The following PCDHGB3 variants were observed in gnomAD, a reference collection of about 807,000 sequenced individuals.
PCDHGB3 encodes the protein protocadherin gamma subfamily B, 3, also known as protocadherin gamma-B3.
Under a neutral mutation model 59.2 loss-of-function variants are expected in PCDHGB3, and 40 were observed. The ratio of observed to expected loss-of-function variants is 0.68; its 90% CI spans 0.52 to 0.88. The LOEUF (loss-of-function observed/expected upper bound fraction) is 0.88, where lower values mean the gene tolerates loss of function less well. PCDHGB3 is among the 40% of genes least tolerant of loss of function. The pLI is 0.00. For synonymous variants in PCDHGB3, 581 were observed against 503.6 expected (o/e 1.15, Z -2.06); for missense variants, 1,309 against 1,187.9 (o/e 1.10, Z -1.50).
At position 141,491,099 on chromosome 5, in the gene PCDHGB3, T is replaced by C. The variant is rs1352561414; in HGVS notation, c.2416-3708T>C. 1 of 1,614,176 alleles carries C rather than the reference T, an allele frequency of 6.2e-7. No homozygotes were observed. ...CAGTCCACAGCCCCAGGACTGTTCC[T>C]CGTGTCTACACACACTGGTGAGGTG... On this transcript the variant is annotated intron_variant, in intron 1 of 3. Coordinates refer to ENST00000576222, the MANE Select transcript of PCDHGB3 (RefSeq NM_018924.5). The surrounding 1 kb of genome is among the most constrained non-coding windows in gnomAD (Gnocchi z 6.9).
chr5:141,512,942 C>T lies in PCDHGB3; in HGVS notation c.*1769C>T, dbSNP rs1596321854. 3.3e-5 allele frequency: 5 copies of T among 151,644 alleles called. No individual in the cohort carries two copies. The South Asian group carries it at 1.0e-3, about 32-fold the overall frequency. The allele number at this position is 151,644 out of a possible 1,614,324, so 9.4% of individuals were successfully genotyped here. On this transcript the variant is annotated 3_prime_UTR_variant, in exon 4 of 4. Transcript: ENST00000576222. Reference sequence around the variant, plus strand: ...TAATATTTATATGGCTTTTTTTCTTCGACAAAAAAATAATAAAACGTTTCT... The same window carrying T: ...TAATATTTATATGGCTTTTTTTCTTTGACAAAAAAATAATAAAACGTTTCT...
chr5:141,491,390 T>G lies in PCDHGB3; in HGVS notation c.2416-3417T>G. 1 of 1,614,130 alleles carries G rather than the reference T, an allele frequency of 6.2e-7. No individual in the cohort carries two copies. Among genetic ancestry groups the G allele is most frequent in the Admixed American group, 1.7e-5 (1 of 60,028 alleles). ...TTCACCTTTCTGTCAGCGAAGTGCC[T>G]TCAGGGAAACGCAGACGGGGACGGG... On this transcript the variant is annotated intron_variant, in intron 1 of 3. Transcript: ENST00000576222. The surrounding 1 kb of genome is among the most constrained non-coding windows in gnomAD (Gnocchi z 6.9).
chr5:141,447,979 G>A (rs888759756), intron 1 of PCDHGB3, among the ~76,000 whole-genome samples: 15 of 151,814 alleles, frequency 9.9e-5, no homozygotes, highest in Admixed American at 5.9e-4. Context: ...CCAGCTACTC[G>A]GGAGGCTGAG....
rs1006751011 is a variant in PCDHGB3, at chr5:141,431,033, C to T, written c.2415+58224C>T. ...CTTGGTCACGGCGGGCAGGATAGAC[C>T]GGGAGGAGCTCTGTATGGGGGCCAT... On this transcript the variant is annotated intron_variant, in intron 1 of 3. Coordinates refer to ENST00000576222, the MANE Select transcript of PCDHGB3 (RefSeq NM_018924.5). This position sits in a 1 kb window ranked among gnomAD's most constrained non-coding sequence, Gnocchi z 4.8. 1.2e-6 allele frequency: 2 copies of T among 1,613,864 alleles called. No homozygotes were observed. The highest frequency in any genetic ancestry group is 1.3e-5 in the African/African-American group (1 of 74,924).
In PCDHGB3 at chr5:141,494,836, C is replaced by G. The variant is rs1016713543; in HGVS notation, c.2445C>G (p.Phe815Leu). ...CCCCGCCCAACACGGACTGGCGTTT[C>G]TCTCAGGCCCAGAGACCCGGCACCA... ...KQAPPNTDWR[F>L]SQAQRPGTSG... The change falls in exon 2 of 4, where the codon TTC (phenylalanine) becomes TTG (leucine). Residue 815 changes from phenylalanine (F) to leucine (L), a missense_variant. Phe to Leu is a conservative substitution (Grantham distance 22, BLOSUM62 0). Coordinates refer to ENST00000576222, the MANE Select transcript of PCDHGB3 (RefSeq NM_018924.5). 1.9e-6 allele frequency: 3 copies of G among 1,614,054 alleles called. No individual in the cohort carries two copies. The highest frequency in any genetic ancestry group is 2.7e-5 in the African/African-American group (2 of 74,932).
chr5:141,466,674 T>C (rs2099127051), intron 1 of PCDHGB3, among the ~76,000 whole-genome samples: 1 of 152,222 alleles, frequency 6.6e-6, no homozygotes, highest in South Asian at 2.1e-4. Flanking sequence ...TTCACCGTTC[T>C]TCCACTCAAG....
chr5:141,482,000 G>A (rs1421859839), intron 1 of PCDHGB3, among the ~76,000 whole-genome samples: 8 of 150,854 alleles, frequency 5.3e-5, no homozygotes, highest in East Asian at 1.9e-4. Flanking sequence ...CAGGAGAATC[G>A]CTTTATCTCA....
At position 141,486,266 on chromosome 5, in the gene PCDHGB3, C is replaced by A; in HGVS notation, c.2416-8541C>A. On this transcript the variant is annotated intron_variant, in intron 1 of 3. Coordinates refer to ENST00000576222, the MANE Select transcript of PCDHGB3 (RefSeq NM_018924.5). The surrounding 1 kb of genome is among the most constrained non-coding windows in gnomAD (Gnocchi z 5.0). ...TGGAACCCTCCCCGAGAGTGCAGAA[C>A]CTGGCACTGTGGTGGCACTTATCAG... The A allele has an allele frequency of 1.9e-6, 3 of 1,614,098 alleles. No homozygotes were observed. Among genetic ancestry groups the A allele is most frequent in the Admixed American group, 3.3e-5 (2 of 60,016 alleles).
Position 141,490,705 on chromosome 5 carries a change from C to T in PCDHGB3, c.2416-4102C>T. 1 of 1,614,194 alleles carries T rather than the reference C, an allele frequency of 6.2e-7. No individual in the cohort carries two copies. Among genetic ancestry groups the T allele is most frequent in the South Asian group, 1.1e-5 (1 of 91,082 alleles). On this transcript the variant is annotated intron_variant, in intron 1 of 3. Coordinates refer to ENST00000576222, the MANE Select transcript of PCDHGB3 (RefSeq NM_018924.5). This position sits in a 1 kb window ranked among gnomAD's most constrained non-coding sequence, Gnocchi z 5.4. ...TCCAGACACTGGGGATAATGCCCGC[C>T]TCACCTACTCCATTGTAGGAAATCA...
chr5:141,448,851 A>T (rs1374003271), intron 1 of PCDHGB3, among the ~76,000 whole-genome samples: 1 of 152,124 alleles, frequency 6.6e-6, no homozygotes, highest in Admixed American at 6.5e-5. Context: ...AGGCTGAGGC[A>T]GGAGAATGGC....
At chr5:141,424,700 T>C (rs1359856009) in intron 1 of PCDHGB3, 3 of 152,228 alleles carry the variant, frequency 2.0e-5, no homozygotes, top group African/African-American at 7.2e-5. Context: ...TATTTTTTTG[T>C]TCATTTTCAG....
chr5:141,435,760 T>C (rs1241767830), intron 1 of PCDHGB3, among the ~76,000 whole-genome samples: 1 of 152,172 alleles, frequency 6.6e-6, no homozygotes, highest in Non-Finnish European at 1.5e-5. Context: ...TTGATTTCTT[T>C]TGGTGAATTC....
chr5:141,375,314 G>T, intron 1 of PCDHGB3: 2 of 1,613,798 alleles, frequency 1.2e-6, no homozygotes, highest in Non-Finnish European at 1.7e-6. Flanking sequence ...TGCAGCTCTA[G>T]ACCGGGAAGA....
At chr5:141,423,238 G>A (rs765040062) in intron 1 of PCDHGB3, 3 of 1,613,778 alleles carry the variant, frequency 1.9e-6, no homozygotes, top group South Asian at 1.1e-5. Flanking sequence ...CAGCATCCCC[G>A]AAGTCCTGGC....
intron 1 of PCDHGB3, chr5:141,427,241 T>C (rs1381559575): frequency 4.4e-6 from 2 of 456,696 alleles, no homozygotes; most frequent in Admixed American, 2.3e-5. Flanking sequence ...GAGTAGAAGC[T>C]AAGGATGGTG....
intron 1 of PCDHGB3, chr5:141,408,349 C>T: frequency 6.2e-7 from 1 of 1,613,924 alleles, no homozygotes; most frequent in Non-Finnish European, 8.5e-7. Context: ...TGGTGGGGAA[C>T]CTCGCTAAGG....
chr5:141,482,363 G>C (rs2099556985), intron 1 of PCDHGB3, among the ~76,000 whole-genome samples: 1 of 152,086 alleles, frequency 6.6e-6, no homozygotes, highest in African/African-American at 2.4e-5. Flanking sequence ...AGAGTGAAAA[G>C]TAATGCATAT....
At chr5:141,457,330 A>G (rs2098916985) in intron 1 of PCDHGB3, among the ~76,000 whole-genome samples, 1 of 152,174 alleles carries the variant, frequency 6.6e-6, no homozygotes, top group Non-Finnish European at 1.5e-5. Flanking sequence ...GGTTACAGGT[A>G]CCTTACTTAC....
At chr5:141,503,284 G>C (rs899456087) in intron 2 of PCDHGB3, among the ~76,000 whole-genome samples, 2 of 152,044 alleles carry the variant, frequency 1.3e-5, no homozygotes, top group African/African-American at 4.8e-5. Flanking sequence ...TCTGTGTCTG[G>C]TACATAGAAA....
Sources: gnomAD v4.1 joint callset for allele counts (sites outside exome capture counted in the v4.1 genomes callset) on GRCh38, gnomAD v4.1.1 for gene constraint, Gnocchi (gnomAD v3.1) non-coding constraint, MANE v1.5 for transcripts, NCBI Gene and HGNC (gene_info 2026-07-23, HGNC 2026-07-21) for gene names.